TPO: variants seen among roughly 807,000 people sequenced by gnomAD.
The protein encoded by TPO is thyroid peroxidase.
TPO carries 78 observed loss-of-function variants against 96.9 expected under a neutral mutation model. That is an observed-to-expected ratio of 0.81 (90% confidence interval 0.67 to 0.97). TPO has a LOEUF of 0.97. TPO is among the 50% of genes least tolerant of loss of function. The probability of loss-of-function intolerance (pLI) is 0.00; values close to 1 mark genes in which losing one functional copy is unlikely to be tolerated. For synonymous variants in TPO, 547 were observed against 538.0 expected (o/e 1.02, Z -0.23); for missense variants, 1,252 against 1,274.8 (o/e 0.98, Z 0.27).
chr2:1,519,438 T>C (rs947331216), intron 15 of TPO, among the ~76,000 whole-genome samples: 1 of 152,176 alleles, frequency 6.6e-6, no homozygotes, highest in African/African-American at 2.4e-5. Flanking sequence ...AAATAATCAT[T>C]ACCAGTGAAG....
At chr2:1,422,343 C>CTGA (rs1558264270) in intron 2 of TPO, among the ~76,000 whole-genome samples, 6 of 127,418 alleles carry the variant, frequency 4.7e-5, no homozygotes, top group Non-Finnish European at 5.4e-5. Context: ...CTCTCCTGGA[C>CTGA]CGACCTCGTG....
At chr2:1,525,910 C>A (rs146773781) in intron 15 of TPO, among the ~76,000 whole-genome samples, 1,557 of 144,994 alleles carry the variant, frequency 0.011, 9 homozygotes, top group Middle Eastern at 0.018. Context: ...GCAACCTCCT[C>A]AAATCCCCCC....
At chr2:1,512,536 C>A in intron 14 of TPO, 1 of 953,610 alleles carries the variant, frequency 1.0e-6, no homozygotes, top group Non-Finnish European at 1.2e-6. Flanking sequence ...CTGCCCCGCT[C>A]CGCCCCTGCT....
upstream of TPO, among the ~76,000 whole-genome samples, chr2:1,411,326 G>A (rs1447147722): frequency 1.3e-5 from 2 of 152,182 alleles, no homozygotes; most frequent in African/African-American, 2.4e-5. Context: ...ACTTAGAGGA[G>A]AGGCTACAAA....
intron 2 of TPO, among the ~76,000 whole-genome samples, chr2:1,422,546 T>C (rs993181678): frequency 3.9e-5 from 6 of 152,222 alleles, no homozygotes; most frequent in African/African-American, 1.4e-4. Flanking sequence ...ACTTGCCGTC[T>C]TCCTGTTACC....
chr2:1,462,704 G>A (rs1469262449), intron 7 of TPO, among the ~76,000 whole-genome samples: 3 of 152,202 alleles, frequency 2.0e-5, no homozygotes, highest in South Asian at 2.1e-4. Flanking sequence ...TTCGGGACAC[G>A]ATGTGACATA....
intron 1 of TPO, among the ~76,000 whole-genome samples, chr2:1,375,908 C>G (rs7590793): frequency 6.6e-6 from 1 of 152,112 alleles, no homozygotes; most frequent in Admixed American, 6.5e-5. Context: ...TTTCTAGTCA[C>G]GCACAACGAA....
At chr2:1,472,561 G>A (rs1329786046) in intron 7 of TPO, among the ~76,000 whole-genome samples, 3 of 152,124 alleles carry the variant, frequency 2.0e-5, no homozygotes, top group Admixed American at 6.5e-5. Flanking sequence ...GGAGCGCCAA[G>A]CCATCCCTGC....
chr2:1,499,661 A>G (rs1672683223), intron 13 of TPO, among the ~76,000 whole-genome samples: 1 of 152,078 alleles, frequency 6.6e-6, no homozygotes, highest in Non-Finnish European at 1.5e-5. Context: ...GGGCACCACA[A>G]TCCCTGCGTC....
At chr2:1,461,657 T>C (rs2148618987) in intron 7 of TPO, among the ~76,000 whole-genome samples, 1 of 152,228 alleles carries the variant, frequency 6.6e-6, no homozygotes, top group East Asian at 1.9e-4. Context: ...CCCGTACACC[T>C]GTGTGCACGC....
chr2:1,524,930 A>C (rs1358565957), intron 15 of TPO, among the ~76,000 whole-genome samples: 5 of 84,404 alleles, frequency 5.9e-5, no homozygotes, highest in Admixed American at 4.0e-4. Context: ...GCTGTGTGCA[A>C]CCTCCTCAAA....
intron 5 of TPO, among the ~76,000 whole-genome samples, chr2:1,452,375 C>T (rs1667385699): frequency 6.6e-6 from 1 of 152,206 alleles, no homozygotes; most frequent in Non-Finnish European, 1.5e-5. Context: ...CCCTGGTTAC[C>T]CGAGATCCTT....
At chr2:1,440,904 G>A (rs1036577488) in intron 5 of TPO, among the ~76,000 whole-genome samples, 13 of 151,584 alleles carry the variant, frequency 8.6e-5, no homozygotes, top group Admixed American at 5.3e-4. Flanking sequence ...GAGGCACTAC[G>A]TTGGAAGGGA....
intron 14 of TPO, among the ~76,000 whole-genome samples, chr2:1,514,937 C>T (rs900881186): frequency 1.2e-4 from 18 of 152,152 alleles, no homozygotes; most frequent in South Asian, 4.1e-4. Context: ...ATGCTCGCCA[C>T]GGCCCAGGAC....
At chr2:1,434,571 TCCTGTCAGG>T (rs1440315658) in intron 4 of TPO, among the ~76,000 whole-genome samples, 1 of 152,220 alleles carries the variant, frequency 6.6e-6, no homozygotes. Context: ...CTGTCCACTG[TCCTGTCAGG>T]CCTCCTATGG....
intron 8 of TPO, chr2:1,478,050 A>AG: frequency 1.0e-6 from 1 of 984,902 alleles, no homozygotes; most frequent in Non-Finnish European, 1.2e-6. Context: ...TGGGTGGACC[A>AG]GGGGTGCTGG....
At chr2:1,532,806 A>G (rs1678624804) in intron 15 of TPO, among the ~76,000 whole-genome samples, 1 of 51,560 alleles carries the variant, frequency 1.9e-5, no homozygotes, top group Non-Finnish European at 3.2e-5. Context: ...CACTATGTGC[A>G]ACCTCCTCAA....
intron 10 of TPO, among the ~76,000 whole-genome samples, chr2:1,488,674 A>C (rs965561269): frequency 6.6e-6 from 1 of 152,160 alleles, no homozygotes; most frequent in Non-Finnish European, 1.5e-5. Flanking sequence ...TTCTGTGTGC[A>C]GCTCTGTTCT....
intron 5 of TPO, among the ~76,000 whole-genome samples, chr2:1,443,957 G>A (rs1244142245): frequency 7.9e-6 from 1 of 127,110 alleles, no homozygotes; most frequent in Admixed American, 7.8e-5. Context: ...TACCATGTTG[G>A]AAGGGAACGG....
Sources: allele counts gnomAD v4.1 joint callset (sites outside exome capture counted in the v4.1 genomes callset), GRCh38; gene constraint gnomAD v4.1.1; transcripts MANE v1.5; gene names NCBI Gene and HGNC (gene_info 2026-07-23, HGNC 2026-07-21).